The following CPE variants were observed in gnomAD, a reference collection of about 807,000 sequenced individuals.
The protein encoded by CPE is carboxypeptidase E, also known as carbocypeptidase E.
CPE carries 17 observed loss-of-function variants against 53.5 expected under a neutral mutation model. That is an observed-to-expected ratio of 0.32 (90% CI 0.22 to 0.48). The LOEUF (loss-of-function observed/expected upper bound fraction) is 0.48. Ranked by LOEUF, CPE falls within the 20% of genes least tolerant of loss-of-function variation. The probability of loss-of-function intolerance (pLI) is 0.99; values close to 1 mark genes in which losing one functional copy is unlikely to be tolerated. For missense variants in CPE, 524 were observed against 614.7 expected, an observed-to-expected ratio of 0.85 and a Z score of 1.56; for synonymous variants, 226 against 228.8, an observed-to-expected ratio of 0.99 and a Z score of 0.11.
At chr4:165,396,670 C>A (rs75665368) in intron 1 of CPE, among the ~76,000 whole-genome samples, 89 of 133,596 alleles carry the variant, frequency 6.7e-4, no homozygotes, top group South Asian at 1.7e-3. Flanking sequence ...GATTCTGTCT[C>A]AAAAAAAAAA....
At chr4:165,463,105 G>A (rs1325170877) in intron 1 of CPE, among the ~76,000 whole-genome samples, 5 of 152,064 alleles carry the variant, frequency 3.3e-5, no homozygotes, top group African/African-American at 4.8e-5. Context: ...CTCCTAAAAC[G>A]CAATGGAGAG....
chr4:165,424,791 C>T (rs1174276448), intron 1 of CPE, among the ~76,000 whole-genome samples: 1 of 152,138 alleles, frequency 6.6e-6, no homozygotes, highest in Non-Finnish European at 1.5e-5. Context: ...GCCTCGGCCT[C>T]CCAAAGTTCT....
chr4:165,408,733 A>G (rs1730991476), intron 1 of CPE, among the ~76,000 whole-genome samples: 1 of 152,204 alleles, frequency 6.6e-6, no homozygotes, highest in South Asian at 2.1e-4. Flanking sequence ...TCAAGTTCCC[A>G]GGGATTCTGA....
intron 1 of CPE, among the ~76,000 whole-genome samples, chr4:165,443,099 C>T (rs1331432861): frequency 6.6e-6 from 1 of 152,134 alleles, no homozygotes; most frequent in Admixed American, 6.6e-5. Flanking sequence ...TACAAAAACA[C>T]GGGCATCTCT....
chr4:165,389,087 T>C lies in CPE; in HGVS notation c.307+9559T>C, dbSNP rs530952466. Among the ~76,000 whole-genome samples the C allele has an allele frequency of 2.0e-5, 3 of 152,298 alleles. No individual in the cohort carries two copies. The South Asian group carries it at 6.2e-4, about 32-fold the overall frequency. On this transcript the variant is annotated intron_variant, in intron 1 of 8. Transcript: ENST00000402744. ...ATTTTCTCAAGAGTCAAATTCAGTT[T>C]TGAGAAAATGCTAAAGCCATAAAAA...
chr4:165,459,470 G>A (rs1731956456), intron 1 of CPE, among the ~76,000 whole-genome samples: 2 of 152,060 alleles, frequency 1.3e-5, no homozygotes, highest in East Asian at 1.9e-4. Flanking sequence ...TGAAGTAACT[G>A]GAATGCTGGA....
chr4:165,462,765 G>C (rs1732032160), intron 1 of CPE, among the ~76,000 whole-genome samples: 1 of 151,938 alleles, frequency 6.6e-6, no homozygotes. Flanking sequence ...AAAAACTGAG[G>C]GGGGTATAAA....
chr4:165,418,795 G>A (rs1054783152), intron 1 of CPE, among the ~76,000 whole-genome samples: 13 of 152,114 alleles, frequency 8.5e-5, no homozygotes, highest in Admixed American at 3.9e-4. Context: ...AGTTTTTTTG[G>A]AATGGGATAT....
At chr4:165,491,780 G>T (rs558504284) in intron 6 of CPE, among the ~76,000 whole-genome samples, 48 of 152,032 alleles carry the variant, frequency 3.2e-4, no homozygotes, top group Non-Finnish European at 5.2e-4. Flanking sequence ...TGGTAACAAG[G>T]CACATCTTTT....
At chr4:165,439,346 G>A (rs1389900976) in intron 1 of CPE, among the ~76,000 whole-genome samples, 1 of 152,148 alleles carries the variant, frequency 6.6e-6, no homozygotes, top group Non-Finnish European at 1.5e-5. Flanking sequence ...GGATAAGGTA[G>A]AAGAAGATGG....
chr4:165,396,184 A>T (rs1323563203), intron 1 of CPE, among the ~76,000 whole-genome samples: 1 of 152,182 alleles, frequency 6.6e-6, no homozygotes, highest in Non-Finnish European at 1.5e-5. Flanking sequence ...GATATTTTAT[A>T]TCATATTCCT....
At chr4:165,399,342 C>A (rs1730830864) in intron 1 of CPE, among the ~76,000 whole-genome samples, 1 of 152,088 alleles carries the variant, frequency 6.6e-6, no homozygotes, top group Non-Finnish European at 1.5e-5. Context: ...ACAATAAATA[C>A]CTGTTGTACA....
At chr4:165,413,132 T>G (rs1475689243) in intron 1 of CPE, among the ~76,000 whole-genome samples, 2 of 152,226 alleles carry the variant, frequency 1.3e-5, no homozygotes, top group Non-Finnish European at 2.9e-5. Flanking sequence ...ATATGCCAGT[T>G]CCCTGGCCTC....
chr4:165,498,315 A>C lies in CPE; in HGVS notation c.*705A>C. ...CTGAATGAATAAAGGTTAAAAAAAA[A>C]TCCCCAGTGCATGTATTTCAGTTCT... On this transcript the variant is annotated 3_prime_UTR_variant, in exon 9 of 9. Coordinates refer to ENST00000402744, the MANE Select transcript of CPE (RefSeq NM_001873.4). The C allele has an allele frequency of 6.6e-6, 1 of 152,196 alleles. No homozygotes were observed. Among genetic ancestry groups the C allele is most frequent in the East Asian group, 1.9e-4 (1 of 5,204 alleles). 9.4% of individuals were successfully genotyped at this position (152,196 alleles called of 1,614,324 possible).
intron 1 of CPE, among the ~76,000 whole-genome samples, chr4:165,430,781 A>G (rs1292386657): frequency 6.6e-6 from 1 of 152,222 alleles, no homozygotes; most frequent in Admixed American, 6.5e-5. Flanking sequence ...GGAAAAGAAA[A>G]AAAATGAGAC....
intron 1 of CPE, among the ~76,000 whole-genome samples, chr4:165,383,180 A>C (rs1056409420): frequency 6.6e-6 from 1 of 152,196 alleles, no homozygotes; most frequent in African/African-American, 2.4e-5. Flanking sequence ...GAATGGGCTT[A>C]GACTAGGCTA....
intron 6 of CPE, among the ~76,000 whole-genome samples, chr4:165,488,500 G>A (rs909525163): frequency 1.1e-4 from 16 of 152,158 alleles, no homozygotes; most frequent in Non-Finnish European, 2.9e-5. Flanking sequence ...CAGAGGCAGT[G>A]GCAGTGGAAA....
chr4:165,432,754 ACT>A (rs1731434703), intron 1 of CPE, among the ~76,000 whole-genome samples: 2 of 151,134 alleles, frequency 1.3e-5, no homozygotes, highest in Admixed American at 1.3e-4. Context: ...ATCTGCCCCC[ACT>A]CTCTCTGTTC....
intron 1 of CPE, among the ~76,000 whole-genome samples, chr4:165,461,323 T>C (rs1732000175): frequency 6.6e-6 from 1 of 152,056 alleles, no homozygotes; most frequent in Non-Finnish European, 1.5e-5. Context: ...GAGAGCATTA[T>C]AGGGACGAGC....
Sources: gnomAD v4.1 joint callset for allele counts (sites outside exome capture counted in the v4.1 genomes callset) on GRCh38, gnomAD v4.1.1 for gene constraint, MANE v1.5 for transcripts, NCBI Gene and HGNC (gene_info 2026-07-23, HGNC 2026-07-21) for gene names.